CNTNAP3B: variants seen among roughly 807,000 people sequenced by gnomAD.
CNTNAP3B encodes contactin-associated protein-like 3B.
A neutral mutation model predicts 108.9 loss-of-function variants in CNTNAP3B; 25 were observed. That is an observed-to-expected ratio of 0.23 (90% CI 0.17 to 0.32). CNTNAP3B has a LOEUF of 0.32. Ranked by LOEUF, CNTNAP3B falls within the 10% of genes least tolerant of loss-of-function variation. The pLI is 1.00. For missense variants in CNTNAP3B, 252 were observed against 1,210.4 expected (o/e 0.21, Z 11.75); for synonymous variants, 103 against 473.4 (o/e 0.22, Z 10.16).
chr9:41,943,428 C>G (rs1217085989), intron 13 of CNTNAP3B, among the ~76,000 whole-genome samples: 245 of 150,066 alleles, frequency 1.6e-3, no homozygotes, highest in African/African-American at 5.9e-3. Flanking sequence ...TCTCGGCTCA[C>G]TGCAAGCTCC....
In CNTNAP3B at chr9:42,110,269, C is replaced by T. The variant is rs1185693483; in HGVS notation, c.86-5530G>A. Among the ~76,000 whole-genome samples, 2 of 135,996 alleles carry T rather than the reference C, an allele frequency of 1.5e-5. 1 individual carries two copies. Among genetic ancestry groups the T allele is most frequent in the East Asian group, 4.5e-4 (2 of 4,438 alleles). 89.2% of individuals were successfully genotyped at this position (135,996 alleles called of 152,430 possible). ...GATACTCAATTCCTTCTGAGAAGGG[C>T]TTCGTGATGCTAAGCCACTCTGCCA... On this transcript the variant is annotated intron_variant, in intron 1 of 23. Transcript: ENST00000377561.
intron 3 of CNTNAP3B, among the ~76,000 whole-genome samples, chr9:42,041,980 G>A (rs1375351483): frequency 2.7e-5 from 3 of 112,696 alleles, no homozygotes; most frequent in East Asian, 3.8e-4. Context: ...GCAAACTATA[G>A]CAAGGACAGA....
chr9:41,987,041 T>TCA (rs1825719606), intron 8 of CNTNAP3B, among the ~76,000 whole-genome samples: 2 of 104,218 alleles, frequency 1.9e-5, no homozygotes, highest in Non-Finnish European at 3.7e-5. Flanking sequence ...TGTAGTACTT[T>TCA]GAATTATCCT....
At chr9:41,950,922 C>T (rs1452704002) in intron 13 of CNTNAP3B, among the ~76,000 whole-genome samples, 1 of 148,746 alleles carries the variant, frequency 6.7e-6, no homozygotes, top group Non-Finnish European at 1.5e-5. Context: ...CACCTGGCTA[C>T]TTTTTTGTAT....
chr9:42,056,056 T>C (rs1300752558), intron 3 of CNTNAP3B, among the ~76,000 whole-genome samples: 1 of 113,104 alleles, frequency 8.8e-6, no homozygotes, highest in Non-Finnish European at 1.8e-5. Flanking sequence ...AATGTCTTCA[T>C]ACTTAAATTT....
intron 14 of CNTNAP3B, among the ~76,000 whole-genome samples, chr9:41,936,982 T>C (rs1459525367): frequency 6.6e-6 from 1 of 152,270 alleles, no homozygotes; most frequent in Non-Finnish European, 1.5e-5. Context: ...TTATGCCAAA[T>C]AAATAAGTGG....
intron 3 of CNTNAP3B, among the ~76,000 whole-genome samples, chr9:42,026,890 A>G (rs1038317829): frequency 1.6e-5 from 2 of 124,980 alleles, no homozygotes; most frequent in African/African-American, 3.3e-5. Flanking sequence ...TTTTAAGCAA[A>G]CAGTCGGGGT....
At chr9:42,058,280 G>GA (rs1462641015) in intron 3 of CNTNAP3B, among the ~76,000 whole-genome samples, 2 of 152,212 alleles carry the variant, frequency 1.3e-5, no homozygotes, top group Non-Finnish European at 2.9e-5. Flanking sequence ...ATTTTTTGAG[G>GA]AAACTCCCCA....
At chr9:42,107,969 C>A (rs1325695839) in intron 1 of CNTNAP3B, among the ~76,000 whole-genome samples, 1 of 93,838 alleles carries the variant, frequency 1.1e-5, no homozygotes, top group Non-Finnish European at 2.2e-5. Context: ...AGAAAGACTC[C>A]GTCTTAAAAA....
chr9:41,934,093 T>C (rs1824064545), intron 14 of CNTNAP3B, among the ~76,000 whole-genome samples: 3 of 32,280 alleles, frequency 9.3e-5, no homozygotes, highest in African/African-American at 3.5e-4. Context: ...CCTTTGCATA[T>C]TTGTTACATA....
intron 12 of CNTNAP3B, among the ~76,000 whole-genome samples, chr9:41,959,489 C>A (rs1291579139): frequency 1.3e-5 from 2 of 152,292 alleles, no homozygotes; most frequent in Non-Finnish European, 2.9e-5. Context: ...ATTTCCTCAT[C>A]TTAAAATGAT....
chr9:42,044,235 T>C (rs1261372831), intron 3 of CNTNAP3B, among the ~76,000 whole-genome samples: 19 of 149,996 alleles, frequency 1.3e-4, no homozygotes, highest in Admixed American at 1.2e-3. Flanking sequence ...TGTTAATCTC[T>C]GTGCCTCATT....
intron 11 of CNTNAP3B, among the ~76,000 whole-genome samples, chr9:41,961,638 A>G (rs1474415437): frequency 6.6e-6 from 1 of 152,304 alleles, no homozygotes; most frequent in Non-Finnish European, 1.5e-5. Context: ...TTAAAGAGAT[A>G]AATGGAATTT....
intron 3 of CNTNAP3B, among the ~76,000 whole-genome samples, chr9:42,052,030 G>T (rs1377149589): frequency 6.7e-6 from 1 of 149,256 alleles, no homozygotes; most frequent in Non-Finnish European, 1.5e-5. Context: ...CATTTGATAT[G>T]AATGATTAAT....
chr9:41,945,622 G>T (rs1476009279), intron 13 of CNTNAP3B, among the ~76,000 whole-genome samples: 2 of 152,294 alleles, frequency 1.3e-5, no homozygotes, highest in Non-Finnish European at 2.9e-5. Context: ...GTCATGGGGT[G>T]TGGGGAGAGG....
At chr9:42,030,802 A>AGGTGTGC (rs1295243418) in intron 3 of CNTNAP3B, among the ~76,000 whole-genome samples, 1 of 85,100 alleles carries the variant, frequency 1.2e-5, no homozygotes, top group African/African-American at 5.0e-5. Flanking sequence ...CGAGAGAGAG[A>AGGTGTGC]GAGAGAGAGA....
At chr9:42,036,158 G>T (rs550327404) in intron 3 of CNTNAP3B, among the ~76,000 whole-genome samples, 6 of 149,192 alleles carry the variant, frequency 4.0e-5, no homozygotes, top group African/African-American at 1.5e-4. Flanking sequence ...TTCCCATTTT[G>T]GTTTCTAAAA....
intron 3 of CNTNAP3B, among the ~76,000 whole-genome samples, chr9:42,055,190 T>A (rs1158810681): frequency 2.2e-5 from 3 of 139,156 alleles, no homozygotes; most frequent in African/African-American, 8.5e-5. Flanking sequence ...AAACCATATC[T>A]ACATCCATTT....
chr9:42,045,783 C>T (rs1254004362), intron 3 of CNTNAP3B, among the ~76,000 whole-genome samples: 2 of 140,122 alleles, frequency 1.4e-5, no homozygotes, highest in East Asian at 2.2e-4. Context: ...CTTGAAGATT[C>T]AGTTAAACAC....
Sources: allele counts gnomAD v4.1 joint callset (sites outside exome capture counted in the v4.1 genomes callset), GRCh38; gene constraint gnomAD v4.1.1; transcripts MANE v1.5; gene names NCBI Gene and HGNC (gene_info 2026-07-23, HGNC 2026-07-21).